Variants in MBD5 observed in about 807,000 individuals in gnomAD.
The protein encoded by MBD5 is methyl-CpG-binding domain protein 5.
MBD5 carries 13 observed loss-of-function variants against 117.3 expected under a neutral mutation model. That is an observed-to-expected ratio of 0.11 (90% CI 0.07 to 0.18). The LOEUF (loss-of-function observed/expected upper bound fraction) is 0.18. MBD5 is among the 10% of genes least tolerant of loss of function. MBD5 has a pLI of 1.00. For missense variants in MBD5, 1,879 were observed against 2,093.8 expected, an observed-to-expected ratio of 0.90 and a Z score of 2.00; for synonymous variants, 727 against 766.4, an observed-to-expected ratio of 0.95 and a Z score of 0.85.
intron 1 of MBD5, among the ~76,000 whole-genome samples, chr2:148,024,045 C>G (rs1328703127): frequency 6.6e-6 from 1 of 152,092 alleles, no homozygotes; most frequent in Non-Finnish European, 1.5e-5. Flanking sequence ...GACCAGGGAA[C>G]TCAGGTCTCC....
intron 1 of MBD5, among the ~76,000 whole-genome samples, chr2:148,112,224 A>G (rs779659426): frequency 2.6e-5 from 4 of 152,218 alleles, no homozygotes; most frequent in African/African-American, 4.8e-5. Flanking sequence ...CTCCTAGCCT[A>G]TATAAGAAAT....
At chr2:148,504,499 ATT>A (rs1681968641) in intron 12 of MBD5, among the ~76,000 whole-genome samples, 1 of 152,236 alleles carries the variant, frequency 6.6e-6, no homozygotes, top group African/African-American at 2.4e-5. Context: ...TAATTTATGC[ATT>A]TATTCCCAAT....
At chr2:148,256,524 A>T (rs1700594064) in intron 3 of MBD5, among the ~76,000 whole-genome samples, 1 of 152,236 alleles carries the variant, frequency 6.6e-6, no homozygotes, top group Non-Finnish European at 1.5e-5. Context: ...CCACAAAGTT[A>T]AGCCTTGGTA....
intron 1 of MBD5, among the ~76,000 whole-genome samples, chr2:148,067,804 G>A (rs552628826): frequency 6.6e-6 from 1 of 152,338 alleles, no homozygotes; most frequent in South Asian, 2.1e-4. Flanking sequence ...CTATAAGAAA[G>A]TATATTGCCC....
chr2:148,251,295 G>T (rs1574194963), intron 3 of MBD5, among the ~76,000 whole-genome samples: 1 of 152,228 alleles, frequency 6.6e-6, no homozygotes, highest in East Asian at 1.9e-4. Flanking sequence ...CTTGTTACTT[G>T]ATGTATTTGA....
intron 4 of MBD5, among the ~76,000 whole-genome samples, chr2:148,385,451 C>G (rs1704321535): frequency 6.6e-6 from 1 of 152,114 alleles, no homozygotes; most frequent in Non-Finnish European, 1.5e-5. Context: ...ATTAAAAAGT[C>G]AGGAAACAAC....
chr2:148,112,376 A>T (rs1447327677), intron 1 of MBD5, among the ~76,000 whole-genome samples: 1 of 152,202 alleles, frequency 6.6e-6, no homozygotes, highest in East Asian at 1.9e-4. Flanking sequence ...ATCCTAAACT[A>T]AAATGTTCTG....
intron 3 of MBD5, among the ~76,000 whole-genome samples, chr2:148,341,891 G>A (rs1176341315): frequency 6.6e-6 from 1 of 151,712 alleles, no homozygotes; most frequent in African/African-American, 2.4e-5. Flanking sequence ...GAGATATAAA[G>A]GATCTAGCAT....
intron 4 of MBD5, among the ~76,000 whole-genome samples, chr2:148,383,381 A>G (rs1704223585): frequency 6.6e-6 from 1 of 152,204 alleles, no homozygotes; most frequent in Admixed American, 6.5e-5. Flanking sequence ...TCCTTGACAC[A>G]TACACTCTCC....
At chr2:148,376,434 A>AT (rs1472184024) in intron 4 of MBD5, among the ~76,000 whole-genome samples, 4 of 150,160 alleles carry the variant, frequency 2.7e-5, no homozygotes, top group Non-Finnish European at 4.4e-5. Flanking sequence ...CGCCCGGCTA[A>AT]TTTTTTGTAT....
At chr2:148,376,865 T>G (rs1704007247) in intron 4 of MBD5, among the ~76,000 whole-genome samples, 1 of 140,842 alleles carries the variant, frequency 7.1e-6, no homozygotes, top group Non-Finnish European at 1.5e-5. Context: ...TAATCATATA[T>G]ATAATTATAT....
At chr2:148,429,213 G>C (rs1039539789) in intron 4 of MBD5, among the ~76,000 whole-genome samples, 1 of 152,032 alleles carries the variant, frequency 6.6e-6, no homozygotes, top group Admixed American at 6.6e-5. Flanking sequence ...CTCAAAAGAA[G>C]ACATTTATGC....
chr2:148,068,240 C>T (rs1006472091), intron 1 of MBD5, among the ~76,000 whole-genome samples: 10 of 152,188 alleles, frequency 6.6e-5, no homozygotes, highest in Non-Finnish European at 8.8e-5. Context: ...ATGTGAACCA[C>T]TACATGGAAC....
rs144864759 is a variant in MBD5, at chr2:148,116,940, A to G, written c.-924-61760A>G. On this transcript the variant is annotated intron_variant, in intron 1 of 13. Transcript: ENST00000642680. ...ATGGTTTTAACTACTGATTAAGTGT[A>G]TGATGAACTGGTAGAATGGAAGTTC... 8.1e-3 allele frequency among the ~76,000 whole-genome samples: 1,234 copies of G among 152,306 alleles called. 14 individuals carry two copies. The highest frequency in any genetic ancestry group is 0.026 in the African/African-American group (1,091 of 41,564).
intron 4 of MBD5, among the ~76,000 whole-genome samples, chr2:148,379,718 G>A (rs1704081619): frequency 6.6e-6 from 1 of 151,886 alleles, no homozygotes; most frequent in Non-Finnish European, 1.5e-5. Flanking sequence ...AAAATAAAAT[G>A]TTAGACAAAA....
At chr2:148,385,575 A>G (rs933931838) in intron 4 of MBD5, among the ~76,000 whole-genome samples, 1 of 152,172 alleles carries the variant, frequency 6.6e-6, no homozygotes, top group Non-Finnish European at 1.5e-5. Context: ...ATCTAGAACT[A>G]GAAATACCAT....
At chr2:148,496,534 C>A (rs1681708028) in intron 11 of MBD5, among the ~76,000 whole-genome samples, 1 of 152,166 alleles carries the variant, frequency 6.6e-6, no homozygotes, top group African/African-American at 2.4e-5. Context: ...CATATAATTT[C>A]AGATAGGAAG....
chr2:148,104,188 C>G (rs368201574), intron 1 of MBD5, among the ~76,000 whole-genome samples: 3 of 152,196 alleles, frequency 2.0e-5, no homozygotes, highest in South Asian at 2.1e-4. Context: ...TATTCTCTCC[C>G]CCTCACTGGA....
At chr2:148,213,837 G>GT (rs11328053) in intron 2 of MBD5, among the ~76,000 whole-genome samples, 24 of 150,858 alleles carry the variant, frequency 1.6e-4, no homozygotes, top group Admixed American at 2.6e-4. Flanking sequence ...GTCACCAACT[G>GT]TTTTTTTTTT....
Sources: gnomAD v4.1 joint callset for allele counts (sites outside exome capture counted in the v4.1 genomes callset) on GRCh38, gnomAD v4.1.1 for gene constraint, MANE v1.5 for transcripts, NCBI Gene and HGNC (gene_info 2026-07-23, HGNC 2026-07-21) for gene names.